Variants in LRBA observed in about 807,000 individuals in gnomAD.
The protein encoded by LRBA is LPS responsive beige-like anchor protein.
A neutral mutation model predicts 330.0 loss-of-function variants in LRBA; 176 were observed. The observed-to-expected ratio is 0.53, with a 90% CI of 0.47 to 0.60. LRBA has a LOEUF of 0.60. Ranked by LOEUF, LRBA falls within the 20% of genes least tolerant of loss-of-function variation. LRBA has a pLI of 0.00. For missense variants in LRBA, 3,259 were observed against 3,444.8 expected (o/e 0.95, Z 1.35); for synonymous variants, 1,230 against 1,193.0 (o/e 1.03, Z -0.64).
At chr4:150,855,807 T>C (rs116537662) in intron 22 of LRBA, among the ~76,000 whole-genome samples, 2,220 of 152,276 alleles carry the variant, frequency 0.015, 58 homozygotes, top group African/African-American at 0.049. Context: ...TATGTTTAGT[T>C]TAAAAAACTA....
At chr4:150,639,795 ATATATATATATGTGTGTG>A (rs1778397202) in intron 37 of LRBA, among the ~76,000 whole-genome samples, 4 of 4,528 alleles carry the variant, frequency 8.8e-4, no homozygotes, top group Non-Finnish European at 2.0e-3. Context: ...GTGTGTGTAT[ATATATATATATGTGTGTG>A]TGTGTGTATA....
intron 37 of LRBA, among the ~76,000 whole-genome samples, chr4:150,621,002 A>C (rs1461355769): frequency 6.6e-6 from 1 of 152,180 alleles, no homozygotes; most frequent in Non-Finnish European, 1.5e-5. Context: ...TTTTTGGAGA[A>C]ATTTAATTGT....
chr4:150,269,597 CAAA>C (rs941806271), intron 56 of LRBA, among the ~76,000 whole-genome samples: 2 of 152,102 alleles, frequency 1.3e-5, no homozygotes, highest in African/African-American at 4.8e-5. Context: ...GATATCAAAA[CAAA>C]AGAGACAAGA....
chr4:150,463,186 C>A (rs946725590), intron 44 of LRBA, among the ~76,000 whole-genome samples: 6 of 152,004 alleles, frequency 3.9e-5, no homozygotes, highest in Middle Eastern at 3.4e-3. Flanking sequence ...TTCTCATGAA[C>A]CTGAATGACT....
chr4:150,832,007 G>A, intron 28 of LRBA, 31 bp from the exon 29 acceptor site: 1 of 1,378,390 alleles, frequency 7.3e-7, no homozygotes, highest in Non-Finnish European at 9.7e-7. Context: ...AGTTGATTAT[G>A]TAACCATAAA....
intron 47 of LRBA, among the ~76,000 whole-genome samples, chr4:150,410,042 TA>T (rs1746740904): frequency 6.6e-6 from 1 of 151,986 alleles, no homozygotes; most frequent in South Asian, 2.1e-4. Flanking sequence ...AAGGAAACAA[TA>T]ACAACAAAAA....
chr4:150,414,191 C>T (rs1383371630), intron 47 of LRBA, among the ~76,000 whole-genome samples: 1 of 152,076 alleles, frequency 6.6e-6, no homozygotes, highest in Non-Finnish European at 1.5e-5. Context: ...TGCTAAGGTC[C>T]CACAATCAGC....
At chr4:150,878,313 T>C (rs1480566980) in intron 17 of LRBA, among the ~76,000 whole-genome samples, 5 of 152,004 alleles carry the variant, frequency 3.3e-5, no homozygotes, top group African/African-American at 1.2e-4. Flanking sequence ...CACTCCAGCC[T>C]GGGTGACAGA....
At chr4:150,421,416 A>G (rs886413377) in intron 46 of LRBA, among the ~76,000 whole-genome samples, 2 of 150,452 alleles carry the variant, frequency 1.3e-5, no homozygotes, top group African/African-American at 4.9e-5. Context: ...TACAAATAGA[A>G]TGTAAATGTT....
rs1418928043 is a variant in LRBA, at chr4:150,866,547, A to AG, written c.2766+1123_2766+1124insC. Reference sequence around the variant, plus strand: ...AACACTGCTGGTGATATGTAAACTGATACACTACTTTAGAATACTGTATTG... The same window carrying AG: ...AACACTGCTGGTGATATGTAAACTGAGTACACTACTTTAGAATACTGTATTG... On this transcript the variant is annotated intron_variant, in intron 22 of 56. Coordinates refer to ENST00000651943, the MANE Select transcript of LRBA (RefSeq NM_001364905.1). Among the ~76,000 whole-genome samples, 3 of 152,336 alleles carry AG rather than the reference A, an allele frequency of 2.0e-5. No homozygotes were observed. In the East Asian group the frequency reaches 5.8e-4, roughly 29 times the overall value.
intron 2 of LRBA, among the ~76,000 whole-genome samples, chr4:150,997,514 T>C (rs1234014498): frequency 6.6e-6 from 1 of 152,154 alleles, no homozygotes; most frequent in East Asian, 1.9e-4. Flanking sequence ...AGGTTACTTG[T>C]ATTCAATCTA....
chr4:150,600,039 T>C (rs181971097), intron 37 of LRBA, among the ~76,000 whole-genome samples: 182 of 152,220 alleles, frequency 1.2e-3, no homozygotes, highest in Non-Finnish European at 2.2e-3. Flanking sequence ...ACATTTTATA[T>C]GGCAATATAT....
chr4:150,920,001 A>G (rs922090710), intron 5 of LRBA, among the ~76,000 whole-genome samples: 1 of 152,196 alleles, frequency 6.6e-6, no homozygotes, highest in Non-Finnish European at 1.5e-5. Context: ...TTATTCTGAA[A>G]AGCTACAAAT....
chr4:150,388,618 T>C (rs946539886), intron 47 of LRBA, among the ~76,000 whole-genome samples: 4 of 152,172 alleles, frequency 2.6e-5, no homozygotes, highest in Admixed American at 1.3e-4. Context: ...TCATTCTAAA[T>C]AGAAGAAGTA....
chr4:150,762,750 T>A (rs1735265221), intron 34 of LRBA, among the ~76,000 whole-genome samples: 1 of 151,922 alleles, frequency 6.6e-6, no homozygotes, highest in Non-Finnish European at 1.5e-5. Flanking sequence ...TCTAACTACA[T>A]AATATCCCTC....
chr4:150,854,039 G>A (rs1418917698), intron 22 of LRBA, among the ~76,000 whole-genome samples: 4 of 152,030 alleles, frequency 2.6e-5, no homozygotes, highest in Non-Finnish European at 5.9e-5. Flanking sequence ...TGAATCACAA[G>A]AGTATACACA....
chr4:150,713,456 G>A (rs149637444), intron 36 of LRBA, among the ~76,000 whole-genome samples: 5 of 152,192 alleles, frequency 3.3e-5, no homozygotes, highest in Non-Finnish European at 7.4e-5. Flanking sequence ...TCAGGAACTC[G>A]GAAAAATCAC....
At chr4:150,678,260 GA>G (rs1324496395) in intron 37 of LRBA, among the ~76,000 whole-genome samples, 1 of 146,864 alleles carries the variant, frequency 6.8e-6, no homozygotes, top group Non-Finnish European at 1.5e-5. Context: ...AAAAAAAAAA[GA>G]AAGAAAAGTA....
At chr4:150,766,946 T>C (rs1479102095) in intron 34 of LRBA, among the ~76,000 whole-genome samples, 1 of 152,196 alleles carries the variant, frequency 6.6e-6, no homozygotes, top group African/African-American at 2.4e-5. Context: ...TGTTGACTAG[T>C]CAATTTTTAC....
Sources: gnomAD v4.1 joint callset for allele counts (sites outside exome capture counted in the v4.1 genomes callset) on GRCh38, gnomAD v4.1.1 for gene constraint, MANE v1.5 for transcripts, NCBI Gene and HGNC (gene_info 2026-07-23, HGNC 2026-07-21) for gene names.